Variants in DNAJC27 observed in about 807,000 individuals in gnomAD.
DNAJC27 encodes the protein DnaJ heat shock protein family (Hsp40) member C27.
DNAJC27 carries 25 observed loss-of-function variants against 31.4 expected under a neutral mutation model. The observed-to-expected ratio is 0.80, with a 90% CI of 0.58 to 1.11. The LOEUF (loss-of-function observed/expected upper bound fraction) is 1.11. Among genes scored for constraint, DNAJC27 ranks in the 50% most tolerant of loss-of-function variants. The pLI is 0.00. For missense variants in DNAJC27, 356 were observed against 347.3 expected (o/e 1.02, Z -0.20); for synonymous variants, 106 against 112.7 (o/e 0.94, Z 0.37).
At chr2:24,960,826 T>C (rs1281645302) in intron 3 of DNAJC27, among the ~76,000 whole-genome samples, 7 of 152,206 alleles carry the variant, frequency 4.6e-5, no homozygotes, top group Admixed American at 4.6e-4. Context: ...TGTTGGTTCA[T>C]GAGGTTTAGG....
intron 2 of DNAJC27, among the ~76,000 whole-genome samples, chr2:24,966,074 C>T (rs1042402004): frequency 2.0e-5 from 3 of 152,142 alleles, no homozygotes; most frequent in African/African-American, 7.2e-5. Flanking sequence ...GGATTTCTGT[C>T]ATTTGCAACC....
chr2:24,966,397 ACCCCCT>A (rs775970293), intron 2 of DNAJC27, among the ~76,000 whole-genome samples: 3 of 151,696 alleles, frequency 2.0e-5, no homozygotes, highest in Non-Finnish European at 2.9e-5. Context: ...TTCAAGCTCA[ACCCCCT>A]CCTGACTCAT....
At chr2:24,964,734 A>C (rs1220724662) in intron 2 of DNAJC27, among the ~76,000 whole-genome samples, 1 of 152,224 alleles carries the variant, frequency 6.6e-6, no homozygotes, top group African/African-American at 2.4e-5. Flanking sequence ...CAGAAACAAA[A>C]TAGTCTGTTG....
At chr2:24,955,013 G>T (rs574911793) in intron 5 of DNAJC27, among the ~76,000 whole-genome samples, 2 of 152,296 alleles carry the variant, frequency 1.3e-5, no homozygotes, top group South Asian at 4.1e-4. Flanking sequence ...TATCCACAAG[G>T]TCTGGTGTTC....
In DNAJC27 at chr2:24,957,119, A is replaced by G; in HGVS notation, c.452T>C (p.Leu151Pro). The G allele has an allele frequency of 6.2e-7, 1 of 1,610,680 alleles. No individual in the cohort carries two copies. ...CAGGAACCCTTTGCTTTCAGCCCAA[A>G]GACGTCCTTCACTTTCATCTACACA... is the stretch of plus-strand genomic sequence containing the variant. Reference protein sequence around the residue: ...HRCVDESEGRLWAESKGFLYF... With the variant: ...HRCVDESEGRPWAESKGFLYF... Residue 151 changes from leucine to proline, a missense_variant, in exon 5 of 7, where the codon CTT (leucine) becomes CCT (proline). Coordinates refer to ENST00000264711, the MANE Select transcript of DNAJC27 (RefSeq NM_016544.3).
chr2:24,961,988 T>C (rs1482430416), intron 3 of DNAJC27, among the ~76,000 whole-genome samples: 1 of 152,194 alleles, frequency 6.6e-6, no homozygotes, highest in African/African-American at 2.4e-5. Flanking sequence ...TCAAATAGCA[T>C]TGCATGGTAC....
At chr2:24,967,838 C>A (rs1172986982) in intron 1 of DNAJC27, among the ~76,000 whole-genome samples, 1 of 152,024 alleles carries the variant, frequency 6.6e-6, no homozygotes, top group Non-Finnish European at 1.5e-5. Flanking sequence ...GTGCTCTTTT[C>A]TTCTGAAGAT....
rs1665649312 is a variant in DNAJC27 at position 24,946,233 on chromosome 2, A to ATTTG, written c.*1382_*1383insCAAA. 6.6e-6 allele frequency: 1 copy of ATTTG among 152,194 alleles called. No homozygotes were observed. Among genetic ancestry groups the ATTTG allele is most frequent in the South Asian group, 2.1e-4 (1 of 4,832 alleles). The allele number at this position is 152,194 out of a possible 1,614,324, so 9.4% of individuals were successfully genotyped here. On this transcript the variant is annotated 3_prime_UTR_variant, in exon 7 of 7. Coordinates refer to ENST00000264711, the MANE Select transcript of DNAJC27 (RefSeq NM_016544.3). ...CTATAGTTTAAAAATATTACTCTTC[A>ATTTG]GAAATTTGGAGCCCAAGCAGGAATT...
chr2:24,965,130 C>T (rs1006650506), intron 2 of DNAJC27, among the ~76,000 whole-genome samples: 3 of 151,554 alleles, frequency 2.0e-5, no homozygotes, highest in Non-Finnish European at 2.9e-5. Context: ...CGCTTAAACC[C>T]GGGAGGCGGA....
chr2:24,960,892 T>C (rs527624653), intron 3 of DNAJC27, among the ~76,000 whole-genome samples: 1 of 152,380 alleles, frequency 6.6e-6, no homozygotes, highest in Non-Finnish European at 1.5e-5. Flanking sequence ...CATGCTGATG[T>C]AGTGCTGCAA....
intron 6 of DNAJC27, among the ~76,000 whole-genome samples, chr2:24,949,021 T>C (rs748622561): frequency 3.9e-5 from 6 of 152,174 alleles, no homozygotes; most frequent in African/African-American, 4.8e-5. Context: ...ACTGAGGTCA[T>C]AGGGTCATGT....
intron 3 of DNAJC27, among the ~76,000 whole-genome samples, chr2:24,960,676 T>C (rs890280282): frequency 6.6e-6 from 1 of 152,232 alleles, no homozygotes; most frequent in African/African-American, 2.4e-5. Flanking sequence ...AAAGCGTTAG[T>C]GGTCTGGATA....
chr2:24,950,980 G>A (rs912575263), intron 6 of DNAJC27, among the ~76,000 whole-genome samples: 1 of 152,070 alleles, frequency 6.6e-6, no homozygotes, highest in East Asian at 1.9e-4. Context: ...CACTAACTCC[G>A]GGGATTCTTG....
chr2:24,953,342 G>C (rs745334747), intron 5 of DNAJC27, among the ~76,000 whole-genome samples: 4 of 152,082 alleles, frequency 2.6e-5, no homozygotes, highest in African/African-American at 4.8e-5. Context: ...GTCTGAAAAG[G>C]GGTGTCAAAG....
chr2:24,957,061 G>A lies in DNAJC27; in HGVS notation c.510C>T (p.Gly170=), dbSNP rs138836610. 10 of 1,608,032 alleles carry A rather than the reference G, an allele frequency of 6.2e-6. No individual in the cohort carries two copies. Among genetic ancestry groups the A allele is most frequent in the Non-Finnish European group, 5.9e-6 (7 of 1,178,056 alleles). The part of the protein sequence containing the change: ...YFETSAQTGE[G]INEMFQTFYI... The stretch of plus-strand genomic sequence containing the variant: ...AGCTTACCTGGAACATCTCATTAAT[G>A]CCTTCTCCAGTTTGTGCTGAAGTTT... Residue 170 remains glycine, a synonymous_variant, in exon 5 of 7, where the codon GGC becomes GGT. Transcript: ENST00000264711.
At chr2:24,960,813 AGTT>A (rs1264226803) in intron 3 of DNAJC27, among the ~76,000 whole-genome samples, 1 of 152,266 alleles carries the variant, frequency 6.6e-6, no homozygotes, top group Non-Finnish European at 1.5e-5. Context: ...AGAAGCTAGC[AGTT>A]GTTGGTTCAT....
At chr2:24,962,831 C>A (rs1488669057) in intron 3 of DNAJC27, among the ~76,000 whole-genome samples, 1 of 151,916 alleles carries the variant, frequency 6.6e-6, no homozygotes, top group Non-Finnish European at 1.5e-5. Flanking sequence ...AAGATTAAGG[C>A]AGAAGTGAAA....
At chr2:24,965,901 T>C (rs1003842044) in intron 2 of DNAJC27, among the ~76,000 whole-genome samples, 2 of 152,212 alleles carry the variant, frequency 1.3e-5, no homozygotes, top group African/African-American at 4.8e-5. Flanking sequence ...AAATATTTAT[T>C]GAGTACCTAT....
chr2:24,944,951 G>A lies in DNAJC27; in HGVS notation c.*2665C>T, dbSNP rs1429880271. 6.6e-6 allele frequency: 1 copy of A among 152,498 alleles called. No individual in the cohort carries two copies. The highest frequency in any genetic ancestry group is 1.5e-5 in the Non-Finnish European group (1 of 68,016). The allele number at this position is 152,498 out of a possible 1,614,324, so 9.4% of individuals were successfully genotyped here. A position where few individuals can be genotyped will look rare whatever the true frequency, so the allele number is the denominator to read the frequency against. On this transcript the variant is annotated 3_prime_UTR_variant, in exon 7 of 7. Coordinates refer to ENST00000264711, the MANE Select transcript of DNAJC27 (RefSeq NM_016544.3). ...CTTTTTATTCTTTTTTGAAAAACAA[G>A]ATTCTCTATAAAAACGTTTTAGCCA... is the stretch of plus-strand genomic sequence containing the variant.
Sources: gnomAD v4.1 joint callset for allele counts (sites outside exome capture counted in the v4.1 genomes callset) on GRCh38, gnomAD v4.1.1 for gene constraint, MANE v1.5 for transcripts, NCBI Gene and HGNC (gene_info 2026-07-23, HGNC 2026-07-21) for gene names.